The following TNRC6B variants were observed in gnomAD, a reference collection of about 807,000 sequenced individuals.
The protein encoded by TNRC6B is trinucleotide repeat containing adaptor 6B.
Under a neutral mutation model 203.6 loss-of-function variants are expected in TNRC6B, and 52 were observed. The ratio of observed to expected loss-of-function variants is 0.26; its 90% CI spans 0.20 to 0.32. TNRC6B has a LOEUF of 0.32. TNRC6B is among the 10% of genes least tolerant of loss of function. TNRC6B has a pLI of 1.00. For missense variants in TNRC6B, 1,923 were observed against 2,286.2 expected (o/e 0.84, Z 3.24); for synonymous variants, 838 against 845.7 (o/e 0.99, Z 0.16).
intron 4 of TNRC6B, among the ~76,000 whole-genome samples, chr22:40,166,583 T>C (rs1255999098): frequency 2.6e-5 from 4 of 152,154 alleles, no homozygotes; most frequent in Non-Finnish European, 4.4e-5. Flanking sequence ...CAACTTGTTA[T>C]TGGTAACATC....
chr22:40,225,276 G>A (rs1284442631), intron 1 of TNRC6B, among the ~76,000 whole-genome samples: 1 of 152,166 alleles, frequency 6.6e-6, no homozygotes, highest in Admixed American at 6.6e-5. Flanking sequence ...TTTGAAGAAG[G>A]TGTTGGAGGG....
intron 1 of TNRC6B, among the ~76,000 whole-genome samples, chr22:40,055,777 C>G (rs2067789625): frequency 6.6e-6 from 1 of 152,132 alleles, no homozygotes; most frequent in South Asian, 2.1e-4. Flanking sequence ...ACTTCTAGAT[C>G]ACCTGAGGTG....
At chr22:40,128,288 G>A (rs1277071165) in intron 3 of TNRC6B, among the ~76,000 whole-genome samples, 1 of 152,142 alleles carries the variant, frequency 6.6e-6, no homozygotes, top group East Asian at 1.9e-4. Context: ...CTCCGAGGGT[G>A]TAAATCAATC....
rs777013157 is a variant in TNRC6B, at chr22:40,126,625, C to T, written c.45+763C>T. The stretch of plus-strand genomic sequence containing the variant: ...TTTTTTTTTTAGACTGGGCCTGGCT[C>T]TATTGCCCAGGCTGGAGTGCAGTCA... On this transcript the variant is annotated intron_variant, in intron 3 of 23. Transcript: ENST00000301923. Among the ~76,000 whole-genome samples, 276 of 108,690 alleles carry T rather than the reference C, an allele frequency of 2.5e-3. 2 individuals are homozygous for T. Among genetic ancestry groups the T allele is most frequent in the Non-Finnish European group, 2.2e-3 (129 of 58,508 alleles). The allele number at this position is 108,690 out of a possible 152,430, so 71.3% of individuals were successfully genotyped here. A position where few individuals can be genotyped will look rare whatever the true frequency, so the allele number is the denominator to read the frequency against.
chr22:40,327,719 C>T lies in TNRC6B; in HGVS notation c.*4478C>T, dbSNP rs779282989. On this transcript the variant is annotated 3_prime_UTR_variant, in exon 23 of 23. Coordinates refer to ENST00000454349, the MANE Select transcript of TNRC6B (RefSeq NM_001162501.2). Reference sequence around the variant, plus strand: ...TAAGAGGTTAGATGACTTCAGTATACTTATAAAATTCAGTGAGAGTGCCTT... The same window carrying T: ...TAAGAGGTTAGATGACTTCAGTATATTTATAAAATTCAGTGAGAGTGCCTT... The T allele has an allele frequency of 5.3e-5, 8 of 152,208 alleles. No homozygotes were observed. The highest frequency in any genetic ancestry group is 7.3e-5 in the Non-Finnish European group (5 of 68,040). 9.4% of individuals were successfully genotyped at this position (152,208 alleles called of 1,614,324 possible). A position where few individuals can be genotyped will look rare whatever the true frequency, so the allele number is the denominator to read the frequency against.
At chr22:40,279,231 ATGCTCT>A (rs1273832972) in intron 9 of TNRC6B, among the ~76,000 whole-genome samples, 1 of 152,206 alleles carries the variant, frequency 6.6e-6, no homozygotes, top group African/African-American at 2.4e-5. Context: ...TTTCATAGTA[ATGCTCT>A]TGATCACCCT....
At chr22:40,273,879 G>A (rs1156549571) in intron 7 of TNRC6B, among the ~76,000 whole-genome samples, 1 of 152,092 alleles carries the variant, frequency 6.6e-6, no homozygotes, top group Non-Finnish European at 1.5e-5. Flanking sequence ...TCAAACTCCT[G>A]GGCTCAATCC....
At chr22:40,187,728 T>C (rs1362705186) in intron 1 of TNRC6B, among the ~76,000 whole-genome samples, 1 of 152,186 alleles carries the variant, frequency 6.6e-6, no homozygotes, top group Non-Finnish European at 1.5e-5. Context: ...ATCTCACTTT[T>C]CTCCGTTTAG....
intron 4 of TNRC6B, among the ~76,000 whole-genome samples, chr22:40,161,458 C>T (rs2068870997): frequency 6.6e-6 from 1 of 152,146 alleles, no homozygotes. Context: ...ATTAGCTGAT[C>T]TGTGCCACTT....
At chr22:40,208,007 G>A (rs959890890) in intron 1 of TNRC6B, among the ~76,000 whole-genome samples, 31 of 151,766 alleles carry the variant, frequency 2.0e-4, no homozygotes, top group African/African-American at 6.8e-4. Flanking sequence ...CCAGCTACTC[G>A]GGAGGCTGAG....
chr22:40,075,999 A>G (rs555494638), intron 1 of TNRC6B, among the ~76,000 whole-genome samples: 4 of 152,372 alleles, frequency 2.6e-5, no homozygotes, highest in African/African-American at 9.6e-5. Flanking sequence ...CCTGAAAAAG[A>G]AAAGTATTTT....
intron 1 of TNRC6B, 109 bp downstream of exon 1, chr22:40,178,249 C>G (rs1172876950): frequency 1.6e-6 from 2 of 1,288,602 alleles, no homozygotes; most frequent in Admixed American, 3.7e-5. Flanking sequence ...TGGAGACTGG[C>G]TTCAGACATT....
intron 3 of TNRC6B, among the ~76,000 whole-genome samples, chr22:40,126,106 T>C (rs955567236): frequency 6.6e-5 from 10 of 152,176 alleles, no homozygotes; most frequent in African/African-American, 2.4e-4. Context: ...TAATACTATG[T>C]CTTTTAAAGT....
intron 1 of TNRC6B, among the ~76,000 whole-genome samples, chr22:40,223,654 G>A (rs1003708004): frequency 3.9e-5 from 6 of 152,136 alleles, no homozygotes; most frequent in East Asian, 1.9e-4. Flanking sequence ...GTATAATAAC[G>A]TATTTAACCA....
chr22:40,253,688 A>T (rs1484371675), intron 3 of TNRC6B: 2 of 456,332 alleles, frequency 4.4e-6, no homozygotes, highest in African/African-American at 4.0e-5. Flanking sequence ...GCAAGTAAAA[A>T]TACCAGTTGT....
At chr22:40,153,077 G>C (rs981935187) in intron 3 of TNRC6B, among the ~76,000 whole-genome samples, 2 of 151,864 alleles carry the variant, frequency 1.3e-5, no homozygotes, top group Admixed American at 6.6e-5. Context: ...CTCCAGCCTG[G>C]GCAACAGAAC....
In TNRC6B at chr22:40,325,555, C is replaced by T. The variant is rs2071390580; in HGVS notation, c.*2314C>T. 6.6e-6 allele frequency: 1 copy of T among 152,470 alleles called. No individual in the cohort carries two copies. The highest frequency in any genetic ancestry group is 6.5e-5 in the Admixed American group (1 of 15,290). The allele number at this position is 152,470 out of a possible 1,614,324, so 9.4% of individuals were successfully genotyped here. On this transcript the variant is annotated 3_prime_UTR_variant, in exon 23 of 23. Transcript: ENST00000454349. ...CCGCTGGGTGCCTTGAGCATGCCCT[C>T]TTCCTGCTCTGCAATTTGAATCACC...
chr22:40,207,421 ATATATAT>A (rs2069496128), intron 1 of TNRC6B, among the ~76,000 whole-genome samples: 1 of 86,390 alleles, frequency 1.2e-5, no homozygotes, highest in East Asian at 2.3e-4. Flanking sequence ...AAAAAAAAAT[ATATATAT>A]ATATATATAT....
In TNRC6B at chr22:40,064,613, CTTT is replaced by C. The variant is rs888329204; in HGVS notation, c.-121+19629_-121+19631del. On this transcript the variant is annotated intron_variant, in intron 1 of 23. Transcript: ENST00000301923. ...TCCCACATGGTGATGGTGTATAATCCTTTTTTTTTTTTTTTTCTTTTTGAGACA... is the reference window on the plus strand; with the variant it reads ...TCCCACATGGTGATGGTGTATAATCCTTTTTTTTTTTTTCTTTTTGAGACA... 4.6e-4 allele frequency among the ~76,000 whole-genome samples: 63 copies of C among 137,912 alleles called. No homozygotes were observed. In the South Asian group the frequency reaches 5.6e-3, roughly 12 times the overall value. The allele number at this position is 137,912 out of a possible 152,430, so 90.5% of individuals were successfully genotyped here.
Sources: allele counts gnomAD v4.1 joint callset (sites outside exome capture counted in the v4.1 genomes callset), GRCh38; gene constraint gnomAD v4.1.1; transcripts MANE v1.5; gene names NCBI Gene and HGNC (gene_info 2026-07-23, HGNC 2026-07-21).